MAP1B: variants seen among roughly 807,000 people sequenced by gnomAD.
MAP1B encodes the protein microtubule-associated protein 1B.
MAP1B carries 12 observed loss-of-function variants against 176.1 expected under a neutral mutation model. That is an observed-to-expected ratio of 0.07 (90% CI 0.04 to 0.11). The LOEUF is 0.11. Among genes scored for constraint, MAP1B ranks in the 10% least tolerant of loss-of-function variants. MAP1B has a pLI of 1.00. For synonymous variants in MAP1B, 1,044 were observed against 1,135.0 expected (o/e 0.92, Z 1.61); for missense variants, 2,523 against 2,990.5 (o/e 0.84, Z 3.65).
chr5:72,196,532 G>A lies in MAP1B; in HGVS notation c.3177G>A (p.Glu1059=). Residue 1059 remains glutamate, a synonymous_variant, in exon 5 of 7, where the codon GAG becomes GAA. Coordinates refer to ENST00000296755, the MANE Select transcript of MAP1B (RefSeq NM_005909.5). This position sits in a 1 kb window ranked among gnomAD's most constrained non-coding sequence, Gnocchi z 5.3. ...AGGCTGCAGAGGCTGGTGGTGCCGA[G>A]GAGCAGTATGGATTCCTCACCACAC... ...VDKAAEAGGA[E]EQYGFLTTPT... 6.2e-7 allele frequency: 1 copy of A among 1,613,740 alleles called. No homozygotes were observed. Among genetic ancestry groups the A allele is most frequent in the Non-Finnish European group, 8.5e-7 (1 of 1,180,028 alleles).
At chr5:72,178,725 GGTGTGTGTGTGTGT>G (rs34082751) in intron 2 of MAP1B, among the ~76,000 whole-genome samples, 8 of 140,414 alleles carry the variant, frequency 5.7e-5, no homozygotes, top group African/African-American at 8.0e-5. Flanking sequence ...GCCTCTGAGG[GGTGTGTGTGTGTGT>G]GTGTGTGTGT....
chr5:72,137,219 T>C (rs1329098104), intron 2 of MAP1B, among the ~76,000 whole-genome samples: 1 of 152,204 alleles, frequency 6.6e-6, no homozygotes, highest in Non-Finnish European at 1.5e-5. Flanking sequence ...TCCTGTAGAC[T>C]GGTGTTGACC....
chr5:72,130,909 G>A (rs571337249), intron 2 of MAP1B, among the ~76,000 whole-genome samples: 8 of 152,368 alleles, frequency 5.3e-5, no homozygotes, highest in African/African-American at 9.6e-5. Context: ...CATAGCTGAT[G>A]TATAAACCAA....
intron 4 of MAP1B, among the ~76,000 whole-genome samples, chr5:72,190,945 C>T (rs765134693): frequency 4.6e-5 from 7 of 152,246 alleles, no homozygotes; most frequent in Non-Finnish European, 7.3e-5. Context: ...TTATTTCTTA[C>T]ATCTTCCTTC....
intron 2 of MAP1B, among the ~76,000 whole-genome samples, chr5:72,145,265 C>A (rs531575712): frequency 2.6e-5 from 4 of 152,148 alleles, no homozygotes; most frequent in African/African-American, 7.2e-5. Flanking sequence ...CTGGCTTCAA[C>A]CTTTTTATTT....
chr5:72,117,886 G>A (rs1387007968), intron 2 of MAP1B, among the ~76,000 whole-genome samples: 1 of 152,162 alleles, frequency 6.6e-6, no homozygotes, highest in Non-Finnish European at 1.5e-5. Flanking sequence ...GAGCATGAAG[G>A]TTTCCAACCA....
At chr5:72,119,453 C>G (rs1471474512) in intron 2 of MAP1B, among the ~76,000 whole-genome samples, 1 of 152,194 alleles carries the variant, frequency 6.6e-6, no homozygotes, top group South Asian at 2.1e-4. Context: ...ATCTTTTACT[C>G]AAAGGAAAGT....
chr5:72,173,244 T>A (rs1449009041), intron 2 of MAP1B, among the ~76,000 whole-genome samples: 1 of 152,236 alleles, frequency 6.6e-6, no homozygotes, highest in Non-Finnish European at 1.5e-5. Flanking sequence ...CTGCTGTGTA[T>A]CAGACCCTCC....
intron 4 of MAP1B, among the ~76,000 whole-genome samples, chr5:72,190,446 A>G (rs746152572): frequency 2.6e-5 from 4 of 152,156 alleles, no homozygotes; most frequent in Non-Finnish European, 5.9e-5. Context: ...ACATCTCCCA[A>G]TCCTGTAGTT....
At chr5:72,162,907 T>C (rs1746352656) in intron 2 of MAP1B, among the ~76,000 whole-genome samples, 1 of 152,108 alleles carries the variant, frequency 6.6e-6, no homozygotes, top group Non-Finnish European at 1.5e-5. Context: ...TTAAAGTTTG[T>C]CATGAGGGGT....
Position 72,197,732 on chromosome 5 carries a change from AG to A in MAP1B, c.4380del (p.Ser1462AlafsTer7). 1 of 1,614,132 alleles carries A rather than the reference AG, an allele frequency of 6.2e-7. No homozygotes were observed. Among genetic ancestry groups the A allele is most frequent in the Admixed American group, 1.7e-5 (1 of 59,996 alleles). ...STSLYQDKQE[G>X]KSTDFAPIKE... is the part of the protein sequence containing the mutation. ...CTAGTCTTTACCAAGACAAACAGGA[AG>A]GGAAAAGCACAGACTTTGCACCAAT... is the stretch of plus-strand genomic sequence containing the variant. On this transcript the variant is annotated frameshift_variant, in exon 5 of 7. Coordinates refer to ENST00000296755, the MANE Select transcript of MAP1B (RefSeq NM_005909.5). LOFTEE classifies it high-confidence loss of function.
chr5:72,158,445 G>A (rs534524833), intron 2 of MAP1B, among the ~76,000 whole-genome samples: 1 of 152,224 alleles, frequency 6.6e-6, no homozygotes, highest in Admixed American at 6.5e-5. Flanking sequence ...TAAAGCAGTT[G>A]GAGAAAAGAA....
At chr5:72,147,504 G>GT (rs1332127612) in intron 2 of MAP1B, among the ~76,000 whole-genome samples, 2 of 152,040 alleles carry the variant, frequency 1.3e-5, no homozygotes, top group Admixed American at 1.3e-4. Flanking sequence ...TTATGGGGTA[G>GT]TGAGACATTA....
rs1231265666 is a variant in MAP1B, at chr5:72,186,881, C to T, written c.510+127C>T. 25 of 1,029,078 alleles carry T rather than the reference C, an allele frequency of 2.4e-5. No homozygotes were observed. Among genetic ancestry groups the T allele is most frequent in the Non-Finnish European group, 3.4e-5 (24 of 696,682 alleles). 63.7% of individuals were successfully genotyped at this position (1,029,078 alleles called of 1,614,324 possible). On this transcript the variant is annotated intron_variant, in intron 4 of 6. Coordinates refer to ENST00000296755, the MANE Select transcript of MAP1B (RefSeq NM_005909.5). The surrounding 1 kb of genome is among the most constrained non-coding windows in gnomAD (Gnocchi z 4.3). ...CACAGCTCTCCTGAAATAAGCAAAACTGCATGATCCAAAATACTTTATTTC... is the reference window on the plus strand; with the variant it reads ...CACAGCTCTCCTGAAATAAGCAAAATTGCATGATCCAAAATACTTTATTTC...
intron 2 of MAP1B, among the ~76,000 whole-genome samples, chr5:72,122,601 G>A (rs778238004): frequency 2.2e-4 from 34 of 151,224 alleles, no homozygotes; most frequent in South Asian, 4.2e-4. Flanking sequence ...AGTTAATAAT[G>A]GGCTCTTTCA....
At chr5:72,202,209 A>C (rs1401039841) in intron 5 of MAP1B, among the ~76,000 whole-genome samples, 1 of 152,198 alleles carries the variant, frequency 6.6e-6, no homozygotes, top group Non-Finnish European at 1.5e-5. Context: ...AGCAATATTC[A>C]TTTGATGTTG....
Position 72,195,739 on chromosome 5 carries a change from T to C in MAP1B, c.2384T>C (p.Val795Ala), listed in dbSNP as rs1288780475. 3 of 1,614,256 alleles carry C rather than the reference T, an allele frequency of 1.9e-6. No individual in the cohort carries two copies. In the South Asian group the frequency reaches 3.3e-5, roughly 18 times the overall value. ...IKKEGKAAEA[V>A]AAAVGTGATT... ...AAGGAAGGCAAGGCCGCAGAGGCTG[T>C]CGCTGCAGCTGTCGGCACTGGAGCC... Residue 795 changes from valine to alanine, a missense_variant, in exon 5 of 7, where the codon GTC (valine) becomes GCC (alanine). By Grantham distance (64) the Val-to-Ala change is moderately conservative. Transcript: ENST00000296755.
At position 72,199,249 on chromosome 5, in the gene MAP1B, G is replaced by GC. The variant is rs775893760; in HGVS notation, c.5901dup (p.Glu1968ArgfsTer8). The GC allele has an allele frequency of 6.2e-7, 1 of 1,613,816 alleles. No individual in the cohort carries two copies. The highest frequency in any genetic ancestry group is 8.5e-7 in the Non-Finnish European group (1 of 1,179,940). ...TATGACATAAGTGAAAAGACCACCA[G>GC]CCCCCCCGAAGTGAGTGGTTACAGC... On this transcript the variant is annotated frameshift_variant, in exon 5 of 7. Coordinates refer to ENST00000296755, the MANE Select transcript of MAP1B (RefSeq NM_005909.5). LOFTEE classifies it high-confidence loss of function. The surrounding 1 kb of genome is among the most constrained non-coding windows in gnomAD (Gnocchi z 4.2).
At position 72,198,935 on chromosome 5, in the gene MAP1B, T is replaced by C. The variant is rs1309132725; in HGVS notation, c.5580T>C (p.Ser1860=). 6 of 1,613,988 alleles carry C rather than the reference T, an allele frequency of 3.7e-6. No homozygotes were observed. The highest frequency in any genetic ancestry group is 5.1e-6 in the Non-Finnish European group (6 of 1,180,036). ...DLSTPGLEKD[S]GGKTPGDFSY... ...CCACACCTGGCCTGGAGAAGGACAG[T>C]GGAGGGAAGACACCTGGTGACTTTA... The change falls in exon 5 of 7, where the codon AGT becomes AGC. Residue 1860 remains serine, a synonymous_variant. Transcript: ENST00000296755.
Sources: gnomAD v4.1 joint callset for allele counts (sites outside exome capture counted in the v4.1 genomes callset) on GRCh38, gnomAD v4.1.1 for gene constraint, Gnocchi (gnomAD v3.1) non-coding constraint, MANE v1.5 for transcripts, NCBI Gene and HGNC (gene_info 2026-07-23, HGNC 2026-07-21) for gene names.